Variants in BST1 observed in about 807,000 individuals in gnomAD.
The protein encoded by BST1 is ADP-ribosyl cyclase/cyclic ADP-ribose hydrolase 2.
In BST1, 49 loss-of-function variants were observed where a neutral mutation model predicts 40.6. That is an observed-to-expected ratio of 1.21 (90% CI 0.96 to 1.53). The LOEUF (loss-of-function observed/expected upper bound fraction) is 1.53. BST1 is among the 40% of genes most tolerant of loss of function. BST1 has a pLI of 0.00. For missense variants in BST1, 423 were observed against 395.9 expected (o/e 1.07, Z -0.58); for synonymous variants, 157 against 159.3 (o/e 0.99, Z 0.11).
chr4:15,747,191 C>G, the BST1 span, among the ~76,000 whole-genome samples: 15 of 152,176 alleles, frequency 9.9e-5, no homozygotes, highest in African/African-American at 3.6e-4. Flanking sequence ...CAACATTTGG[C>G]TCTCTTGCTC....
chr4:15,744,127 C>T, the BST1 span, among the ~76,000 whole-genome samples: 1 of 152,216 alleles, frequency 6.6e-6, no homozygotes, highest in Non-Finnish European at 1.5e-5. Context: ...AGAAGACTTA[C>T]ACCGAAAGCT....
chr4:15,756,891 A>G, the BST1 span, among the ~76,000 whole-genome samples: 1 of 152,246 alleles, frequency 6.6e-6, no homozygotes, highest in Non-Finnish European at 1.5e-5. Flanking sequence ...ACTTCCTGGC[A>G]TATTTCAAGC....
At chr4:15,722,961 T>TA (rs1315883956) in intron 8 of BST1, 27 bp downstream of exon 8, 1 of 1,606,132 alleles carries the variant, frequency 6.2e-7, no homozygotes, top group Non-Finnish European at 8.5e-7. Context: ...ACCCAAATCG[T>TA]TCTTTCCAAA....
At chr4:15,713,660 A>G (rs1720343741) in intron 4 of BST1, among the ~76,000 whole-genome samples, 1 of 151,974 alleles carries the variant, frequency 6.6e-6, no homozygotes, top group Non-Finnish European at 1.5e-5. Context: ...ACTTTCAACC[A>G]CGACGTTATA....
At chr4:15,723,435 A>G in intron 8 of BST1, 1 of 419,106 alleles carries the variant, frequency 2.4e-6, no homozygotes, top group Non-Finnish European at 3.2e-6. Context: ...TTTTTTGTAG[A>G]GACGGGGTTT....
downstream of BST1, among the ~76,000 whole-genome samples, chr4:15,735,836 G>A (rs78835988): frequency 2.3e-3 from 356 of 152,206 alleles, no homozygotes; most frequent in African/African-American, 8.1e-3. Context: ...TTAGAGAAAT[G>A]CCATTTTGAG....
intron 8 of BST1, chr4:15,723,439 G>A (rs1325785118): frequency 4.8e-5 from 21 of 441,212 alleles, no homozygotes; most frequent in Non-Finnish European, 6.0e-5. Context: ...TTGTAGAGAC[G>A]GGGTTTCACC....
the BST1 span, among the ~76,000 whole-genome samples, chr4:15,764,105 C>T: frequency 6.6e-6 from 1 of 151,880 alleles, no homozygotes; most frequent in Non-Finnish European, 1.5e-5. Flanking sequence ...CAAATATACC[C>T]CTCTGGGTGG....
chr4:15,720,187 A>T (rs1169553302), intron 7 of BST1, among the ~76,000 whole-genome samples: 2 of 152,108 alleles, frequency 1.3e-5, no homozygotes, highest in African/African-American at 2.4e-5. Context: ...AATTAGTTTT[A>T]TCTGTCTTTA....
intron 8 of BST1, among the ~76,000 whole-genome samples, chr4:15,725,773 T>C (rs1721061186): frequency 6.6e-6 from 1 of 152,092 alleles, no homozygotes; most frequent in South Asian, 2.1e-4. Flanking sequence ...TGATCTGAAA[T>C]TGTCAGTTTT....
In BST1 at chr4:15,732,591, T is replaced by C. The variant is rs1287042635; in HGVS notation, c.*746T>C. ...CCTCAGCCTCCCAAAGTGCTAGGAT[T>C]ACAGGCGTGAGCCACCACATCCAGC... is the stretch of plus-strand genomic sequence containing the variant. On this transcript the variant is annotated 3_prime_UTR_variant, in exon 9 of 9. Coordinates refer to ENST00000265016, the MANE Select transcript of BST1 (RefSeq NM_004334.3). 6.6e-6 allele frequency: 1 copy of C among 152,268 alleles called. No homozygotes were observed. Among genetic ancestry groups the C allele is most frequent in the Non-Finnish European group, 1.5e-5 (1 of 68,064 alleles). The allele number at this position is 152,268 out of a possible 1,614,324, so 9.4% of individuals were successfully genotyped here. A position where few individuals can be genotyped will look rare whatever the true frequency, so the allele number is the denominator to read the frequency against.
the BST1 span, among the ~76,000 whole-genome samples, chr4:15,768,012 G>GGTAT: frequency 6.6e-6 from 1 of 152,180 alleles, no homozygotes; most frequent in South Asian, 2.1e-4. Flanking sequence ...AAAGCTTTGT[G>GGTAT]GTATGGAAAA....
the BST1 span, among the ~76,000 whole-genome samples, chr4:15,751,751 CTATG>C: frequency 2.6e-5 from 4 of 151,494 alleles, no homozygotes; most frequent in African/African-American, 9.7e-5. Context: ...ATGTATATAT[CTATG>C]TATATACATC....
chr4:15,714,373 ATTTCTGTGGACCTG>A (rs1720392553), intron 4 of BST1, among the ~76,000 whole-genome samples: 1 of 152,134 alleles, frequency 6.6e-6, no homozygotes, highest in South Asian at 2.1e-4. Flanking sequence ...AGATTTTGGA[ATTTCTGTGGACCTG>A]TCTCACCCTT....
chr4:15,746,102 G>A, the BST1 span, among the ~76,000 whole-genome samples: 5 of 152,334 alleles, frequency 3.3e-5, 1 homozygote, highest in South Asian at 1.0e-3. Context: ...GGTGTTTGCA[G>A]TATACCTAGA....
the BST1 span, among the ~76,000 whole-genome samples, chr4:15,766,787 TA>T: frequency 1.2e-3 from 82 of 68,438 alleles, no homozygotes; most frequent in East Asian, 0.01. Flanking sequence ...AAGACCTCCC[TA>T]AAAAAAAAAA....
At chr4:15,767,533 G>A in the BST1 span, among the ~76,000 whole-genome samples, 1 of 151,764 alleles carries the variant, frequency 6.6e-6, no homozygotes, top group Non-Finnish European at 1.5e-5. Context: ...TCGATCTCCT[G>A]ACCTTGTGAT....
chr4:15,769,610 T>C, the BST1 span, among the ~76,000 whole-genome samples: 2 of 152,268 alleles, frequency 1.3e-5, no homozygotes, highest in Admixed American at 1.3e-4. Flanking sequence ...AGAGGACATA[T>C]GGCCTGGAAG....
the BST1 span, among the ~76,000 whole-genome samples, chr4:15,753,714 A>C: frequency 6.6e-6 from 1 of 152,244 alleles, no homozygotes; most frequent in Admixed American, 6.5e-5. Flanking sequence ...GGGAGAGTCC[A>C]AATCGGTCAG....
Sources: gnomAD v4.1 joint callset for allele counts (sites outside exome capture counted in the v4.1 genomes callset) on GRCh38, gnomAD v4.1.1 for gene constraint, MANE v1.5 for transcripts, NCBI Gene and HGNC (gene_info 2026-07-23, HGNC 2026-07-21) for gene names.